The following PLCH1 variants were observed in gnomAD, a reference collection of about 807,000 sequenced individuals.
PLCH1 encodes phospholipase C eta 1, also known as 1-phosphatidylinositol 4,5-bisphosphate phosphodiesterase eta-1.
PLCH1 carries 60 observed loss-of-function variants against 126.7 expected under a neutral mutation model. The ratio of observed to expected loss-of-function variants is 0.47; its 90% CI spans 0.38 to 0.59. PLCH1 has a LOEUF of 0.59. Ranked by LOEUF, PLCH1 falls within the 20% of genes least tolerant of loss-of-function variation. The pLI is 0.00. For missense variants in PLCH1, 1,723 were observed against 2,040.0 expected, an observed-to-expected ratio of 0.84 and a Z score of 2.99; for synonymous variants, 719 against 734.9, an observed-to-expected ratio of 0.98 and a Z score of 0.35.
intron 21 of PLCH1, among the ~76,000 whole-genome samples, chr3:155,467,595 A>C (rs1712979941): frequency 6.6e-6 from 1 of 152,138 alleles, no homozygotes. Context: ...AAAATCCTAA[A>C]AGCAGCAAGA....
intron 2 of PLCH1, among the ~76,000 whole-genome samples, chr3:155,699,822 T>TCACATACA (rs1746125984): frequency 6.8e-6 from 1 of 147,680 alleles, no homozygotes; most frequent in African/African-American, 2.6e-5. Flanking sequence ...CTGTGACCAT[T>TCACATACA]CACACACACA....
intron 10 of PLCH1, among the ~76,000 whole-genome samples, chr3:155,548,062 T>TA (rs1021203992): frequency 6.6e-6 from 1 of 151,960 alleles, no homozygotes; most frequent in African/African-American, 2.4e-5. Flanking sequence ...AAAATAAATT[T>TA]AAAAAATGAA....
chr3:155,611,792 C>G (rs943706347), intron 2 of PLCH1, among the ~76,000 whole-genome samples: 1 of 152,020 alleles, frequency 6.6e-6, no homozygotes, highest in African/African-American at 2.4e-5. Context: ...ACAAATTTAA[C>G]AAAATAAAAA....
rs1020508016 is a variant in PLCH1 at position 155,669,144 on chromosome 3, ACTT to A, written c.79+34999_79+35001del. Among the ~76,000 whole-genome samples, 4 of 150,952 alleles carry A rather than the reference ACTT, an allele frequency of 2.6e-5. No homozygotes were observed. In the South Asian group the frequency reaches 8.4e-4, roughly 32 times the overall value. The stretch of plus-strand genomic sequence containing the variant: ...GCATCACCACTTGCTTTCATCCACT[ACTT>A]CTTCAGAAAAAAAAAAAAAGGCATA... On this transcript the variant is annotated intron_variant, in intron 2 of 22. Transcript: ENST00000460012.
At position 155,626,312 on chromosome 3, in the gene PLCH1, G is replaced by A. The variant is rs557687514; in HGVS notation, c.80-29934C>T. ...GAAGGGTGTCTCATTGACACTGGTA[G>A]GTCAATGAAATAAGACACATATTTC... On this transcript the variant is annotated intron_variant, in intron 2 of 22. Transcript: ENST00000460012. Among the ~76,000 whole-genome samples the A allele has an allele frequency of 1.2e-3, 178 of 152,142 alleles. 3 individuals are homozygous for A. The highest frequency in any genetic ancestry group is 4.1e-3 in the African/African-American group (172 of 41,508).
At chr3:155,735,254 A>C (rs1477370210) in intron 1 of PLCH1, among the ~76,000 whole-genome samples, 1 of 152,130 alleles carries the variant, frequency 6.6e-6, no homozygotes, top group Non-Finnish European at 1.5e-5. Flanking sequence ...AGGATACAAA[A>C]TTTTGGTTAG....
At chr3:155,737,394 G>C (rs1397050455) in intron 1 of PLCH1, among the ~76,000 whole-genome samples, 2 of 151,600 alleles carry the variant, frequency 1.3e-5, no homozygotes, top group African/African-American at 2.4e-5. Context: ...TGCAGTGGCA[G>C]GATCACAGCT....
intron 2 of PLCH1, among the ~76,000 whole-genome samples, chr3:155,613,842 G>A (rs2320188): frequency 0.49 from 73,834 of 151,882 alleles, 20,322 homozygotes; most frequent in African/African-American, 0.74. Context: ...ATCCAAATCC[G>A]TAAAGAGGAA....
At chr3:155,686,884 C>T (rs1333665113) in intron 2 of PLCH1, among the ~76,000 whole-genome samples, 1 of 152,092 alleles carries the variant, frequency 6.6e-6, no homozygotes, top group African/African-American at 2.4e-5. Flanking sequence ...GAACATGAAC[C>T]TTATAGTATA....
chr3:155,618,634 C>T (rs1450451897), intron 2 of PLCH1, among the ~76,000 whole-genome samples: 1 of 152,126 alleles, frequency 6.6e-6, no homozygotes. Flanking sequence ...TACTTAAATT[C>T]CCAATGGTAT....
chr3:155,725,244 C>T (rs1748232963), intron 1 of PLCH1, among the ~76,000 whole-genome samples: 6 of 152,022 alleles, frequency 3.9e-5, no homozygotes, highest in Admixed American at 3.9e-4. Context: ...TTATAGGCTA[C>T]CTGAAGATGC....
At chr3:155,557,439 A>G (rs1356761101) in intron 8 of PLCH1, among the ~76,000 whole-genome samples, 1 of 152,200 alleles carries the variant, frequency 6.6e-6, no homozygotes, top group East Asian at 1.9e-4. Context: ...ACGAGTCATG[A>G]AAGAAGGCAC....
intron 1 of PLCH1, among the ~76,000 whole-genome samples, chr3:155,734,998 C>G (rs1264184643): frequency 6.6e-6 from 1 of 152,034 alleles, no homozygotes; most frequent in Non-Finnish European, 1.5e-5. Context: ...CGTGAGCCAC[C>G]GCGCCCAGCC....
In PLCH1 at chr3:155,596,292, G is replaced by C. The variant is rs531702862; in HGVS notation, c.166C>G (p.Leu56Val). ...GTKGLVRLFY[L>V]DEHRTRLRWR... ...CGGAGGCGTGTCCGGTGCTCATCCA[G>C]GTAAAAGAGGCGGACAAGCCCTTTG... The change falls in exon 3 of 23, where the codon CTG (leucine) becomes GTG (valine). Residue 56 changes from leucine (L) to valine (V), a missense_variant. Leu to Val is a conservative substitution (Grantham distance 32). Around this residue, in one of 2 missense-constraint regions of PLCH1, gnomAD observed 776 missense variants for 1,062.9 expected, o/e 0.73. Transcript: ENST00000460012. 3.2e-5 allele frequency: 52 copies of C among 1,613,328 alleles called. 1 individual carries two copies. In the Middle Eastern group the frequency reaches 9.9e-4, roughly 31 times the overall value.
intron 21 of PLCH1, among the ~76,000 whole-genome samples, chr3:155,486,636 T>C (rs1715205658): frequency 6.7e-6 from 1 of 149,444 alleles, no homozygotes; most frequent in Non-Finnish European, 1.5e-5. Flanking sequence ...GCCATTCTCC[T>C]GCCTCAGCCT....
chr3:155,559,603 C>T (rs1238323926), intron 8 of PLCH1, among the ~76,000 whole-genome samples: 2 of 152,002 alleles, frequency 1.3e-5, no homozygotes, highest in Admixed American at 6.6e-5. Flanking sequence ...GAACTTTAAG[C>T]CAAATACTAG....
At chr3:155,572,650 TTC>T (rs1252971965) in intron 6 of PLCH1, among the ~76,000 whole-genome samples, 1 of 152,086 alleles carries the variant, frequency 6.6e-6, no homozygotes, top group Non-Finnish European at 1.5e-5. Flanking sequence ...TTTTTTCTAT[TTC>T]TTTTTTGTTT....
intron 8 of PLCH1, among the ~76,000 whole-genome samples, chr3:155,555,589 C>T (rs1293934025): frequency 1.3e-5 from 2 of 152,156 alleles, no homozygotes; most frequent in South Asian, 4.1e-4. Context: ...ACAATGTTGC[C>T]TTAATTACCA....
chr3:155,542,637 C>G (rs952049126), intron 10 of PLCH1, among the ~76,000 whole-genome samples: 2 of 152,166 alleles, frequency 1.3e-5, no homozygotes, highest in Non-Finnish European at 2.9e-5. Context: ...GAGGCACCCC[C>G]CAGTAGGGGC....
Sources: allele counts gnomAD v4.1 joint callset (sites outside exome capture counted in the v4.1 genomes callset), GRCh38; gene constraint gnomAD v4.1.1; regional missense constraint gnomAD v4.1.1; transcripts MANE v1.5; gene names NCBI Gene and HGNC (gene_info 2026-07-23, HGNC 2026-07-21).